Variants in DNER observed in about 807,000 individuals in gnomAD.
The protein encoded by DNER is delta/notch like EGF repeat containing.
Under a neutral mutation model 78.2 loss-of-function variants are expected in DNER, and 33 were observed. The ratio of observed to expected loss-of-function variants is 0.42; its 90% confidence interval spans 0.32 to 0.56. The LOEUF is 0.56. DNER is among the 20% of genes least tolerant of loss of function. The pLI is 0.11. For missense variants in DNER, 918 were observed against 975.3 expected (o/e 0.94, Z 0.78); for synonymous variants, 417 against 384.8 (o/e 1.08, Z -0.98).
At chr2:229,701,790 G>A (rs548622983) in intron 1 of DNER, 4 of 154,350 alleles carry the variant, frequency 2.6e-5, no homozygotes, top group African/African-American at 9.6e-5. Context: ...ATGGCACTGT[G>A]CAGATGGCCA....
intron 1 of DNER, among the ~76,000 whole-genome samples, chr2:229,712,179 T>C (rs1053882604): frequency 1.2e-4 from 18 of 152,296 alleles, no homozygotes; most frequent in African/African-American, 4.3e-4. Context: ...CTACCTCCAA[T>C]GGGAGCTACA....
chr2:229,517,680 T>C (rs986243980), intron 5 of DNER, among the ~76,000 whole-genome samples: 5 of 152,236 alleles, frequency 3.3e-5, no homozygotes, highest in Non-Finnish European at 7.3e-5. Flanking sequence ...GTGGTTTTCA[T>C]GTAGGGACCA....
At chr2:229,667,397 C>T (rs927011521) in intron 1 of DNER, among the ~76,000 whole-genome samples, 1 of 152,204 alleles carries the variant, frequency 6.6e-6, no homozygotes, top group Non-Finnish European at 1.5e-5. Context: ...ATGTATGAGG[C>T]TGCAAAGAGT....
intron 7 of DNER, among the ~76,000 whole-genome samples, chr2:229,469,615 C>T (rs1461527615): frequency 6.6e-6 from 1 of 152,186 alleles, no homozygotes; most frequent in Non-Finnish European, 1.5e-5. Context: ...ACTTGAGCCT[C>T]AGCTGTTAAC....
intron 1 of DNER, among the ~76,000 whole-genome samples, chr2:229,618,039 T>A (rs1474293028): frequency 2.0e-5 from 3 of 152,192 alleles, no homozygotes; most frequent in Admixed American, 6.5e-5. Flanking sequence ...TGTTGCTACA[T>A]CCATCCAATG....
chr2:229,561,145 T>C (rs1696951899), intron 4 of DNER, among the ~76,000 whole-genome samples: 1 of 152,202 alleles, frequency 6.6e-6, no homozygotes, highest in Non-Finnish European at 1.5e-5. Flanking sequence ...TCTCATTTTC[T>C]CTGGGTTCCT....
At chr2:229,680,467 C>A (rs1699367425) in intron 1 of DNER, among the ~76,000 whole-genome samples, 1 of 152,342 alleles carries the variant, frequency 6.6e-6, no homozygotes, top group East Asian at 1.9e-4. Context: ...AGAAGAACCA[C>A]TGCCCCCCAG....
intron 6 of DNER, among the ~76,000 whole-genome samples, chr2:229,506,956 T>C (rs748755857): frequency 2.6e-5 from 4 of 152,128 alleles, no homozygotes; most frequent in Non-Finnish European, 5.9e-5. Flanking sequence ...GTCATGGAAT[T>C]TACTTACACA....
chr2:229,610,685 A>G (rs150926879), intron 1 of DNER, among the ~76,000 whole-genome samples: 2,155 of 152,254 alleles, frequency 0.014, 43 homozygotes, highest in Middle Eastern at 0.048. Context: ...CATTTCCTCA[A>G]CCACCGACAG....
chr2:229,505,279 G>A (rs1695714791), intron 6 of DNER, among the ~76,000 whole-genome samples: 1 of 149,924 alleles, frequency 6.7e-6, no homozygotes, highest in South Asian at 2.1e-4. Context: ...AGAAACCTAT[G>A]GGAATGGGGG....
chr2:229,628,265 A>G (rs1698379025), intron 1 of DNER, among the ~76,000 whole-genome samples: 1 of 152,172 alleles, frequency 6.6e-6, no homozygotes, highest in South Asian at 2.1e-4. Context: ...TGTAGGAAGG[A>G]GGAAGTCATC....
intron 5 of DNER, among the ~76,000 whole-genome samples, chr2:229,525,212 T>C (rs1696186061): frequency 6.6e-6 from 1 of 152,222 alleles, no homozygotes; most frequent in Non-Finnish European, 1.5e-5. Flanking sequence ...CAGCTTCACT[T>C]TCCTAGTCAA....
intron 4 of DNER, among the ~76,000 whole-genome samples, chr2:229,584,444 G>A (rs1344987596): frequency 6.6e-6 from 1 of 152,152 alleles, no homozygotes; most frequent in Non-Finnish European, 1.5e-5. Context: ...GTCAGCACAC[G>A]AAGGCACCAG....
chr2:229,597,339 G>A (rs1427146796), intron 1 of DNER, among the ~76,000 whole-genome samples: 2 of 152,194 alleles, frequency 1.3e-5, no homozygotes, highest in Non-Finnish European at 2.9e-5. Flanking sequence ...AAGATAAGGT[G>A]CAATCATTAA....
chr2:229,585,792 C>T, intron 4 of DNER, 66 bp downstream of exon 4: 2 of 1,583,720 alleles, frequency 1.3e-6, no homozygotes, highest in South Asian at 1.1e-5. Context: ...TACCTACTGT[C>T]TCAACACCAA....
intron 1 of DNER, among the ~76,000 whole-genome samples, chr2:229,608,729 T>C (rs1010867515): frequency 6.6e-6 from 1 of 151,894 alleles, no homozygotes; most frequent in Admixed American, 6.6e-5. Flanking sequence ...GGGAGGGAAG[T>C]GGGTTGGGGA....
intron 1 of DNER, among the ~76,000 whole-genome samples, chr2:229,676,921 A>G (rs760418951): frequency 1.1e-4 from 16 of 152,098 alleles, no homozygotes; most frequent in Non-Finnish European, 1.9e-4. Context: ...TGGTGGGTGG[A>G]TAGGAACGAG....
Position 229,477,122 on chromosome 2 carries a change from G to A in DNER, c.1261+18C>T, listed in dbSNP as rs770386996. The A allele has an allele frequency of 1.3e-6, 2 of 1,591,504 alleles. No homozygotes were observed. The highest frequency in any genetic ancestry group is 2.7e-5 in the African/African-American group (2 of 74,412). ...TAAAATGAAAAAAGTTCTTTCTGGA[G>A]TAATAAATACTAATTACCTTCTGGA... is the stretch of plus-strand genomic sequence containing the variant. On this transcript the variant is annotated intron_variant, in intron 7 of 12. Coordinates refer to ENST00000341772, the MANE Select transcript of DNER (RefSeq NM_139072.4).
chr2:229,452,681 T>G (rs890787711), intron 7 of DNER, among the ~76,000 whole-genome samples: 1 of 152,230 alleles, frequency 6.6e-6, no homozygotes, highest in Non-Finnish European at 1.5e-5. Context: ...CAGGCTGAAG[T>G]GCAGTGGCAT....
Sources: allele counts gnomAD v4.1 joint callset (sites outside exome capture counted in the v4.1 genomes callset), GRCh38; gene constraint gnomAD v4.1.1; transcripts MANE v1.5; gene names NCBI Gene and HGNC (gene_info 2026-07-23, HGNC 2026-07-21).